The following ANKS1B variants were observed in gnomAD, a reference collection of about 807,000 sequenced individuals.
ANKS1B encodes the protein ankyrin repeat and sterile alpha motif domain containing 1B.
A neutral mutation model predicts 148.3 loss-of-function variants in ANKS1B; 36 were observed. The observed-to-expected ratio is 0.24, with a 90% CI of 0.19 to 0.32. The LOEUF is 0.32. ANKS1B is among the 10% of genes least tolerant of loss of function. ANKS1B has a pLI of 1.00. For synonymous variants in ANKS1B, 542 were observed against 560.8 expected (o/e 0.97, Z 0.47); for missense variants, 1,157 against 1,542.6 (o/e 0.75, Z 4.19).
intron 11 of ANKS1B, among the ~76,000 whole-genome samples, chr12:99,400,544 T>C (rs1314530396): frequency 6.9e-6 from 1 of 145,124 alleles, no homozygotes; most frequent in African/African-American, 2.6e-5. Context: ...TGGGGCTTTT[T>C]CCCCATAGTT....
chr12:99,813,131 C>T (rs2068639385), intron 2 of ANKS1B, among the ~76,000 whole-genome samples: 1 of 151,652 alleles, frequency 6.6e-6, no homozygotes, highest in South Asian at 2.1e-4. Flanking sequence ...GCAATTTCAA[C>T]ACATATTCAA....
chr12:99,666,275 T>C (rs1468054264), intron 8 of ANKS1B, among the ~76,000 whole-genome samples: 1 of 152,244 alleles, frequency 6.6e-6, no homozygotes, highest in East Asian at 1.9e-4. Context: ...GGCTATTCTA[T>C]GTTCTCTGCC....
chr12:99,354,663 G>C (rs182065491), intron 12 of ANKS1B, among the ~76,000 whole-genome samples: 1 of 151,938 alleles, frequency 6.6e-6, no homozygotes, highest in Non-Finnish European at 1.5e-5. Flanking sequence ...TTTGAGTCTC[G>C]TACTACTAGG....
At chr12:99,929,035 G>A (rs1451036703) in intron 1 of ANKS1B, among the ~76,000 whole-genome samples, 1 of 152,136 alleles carries the variant, frequency 6.6e-6, no homozygotes. Context: ...TTTTTCTGTT[G>A]CTTTAATATT....
At chr12:98,942,917 G>A (rs1341758215) in intron 17 of ANKS1B, among the ~76,000 whole-genome samples, 1 of 152,126 alleles carries the variant, frequency 6.6e-6, no homozygotes, top group Non-Finnish European at 1.5e-5. Context: ...CTTTAAATAC[G>A]AAGCTCAGTG....
intron 4 of ANKS1B, among the ~76,000 whole-genome samples, chr12:99,797,406 G>A (rs1447808323): frequency 1.3e-5 from 2 of 151,734 alleles, no homozygotes; most frequent in African/African-American, 4.8e-5. Flanking sequence ...GAAATATTTA[G>A]TCCAAAACAT....
At chr12:98,924,892 A>G (rs1274455379) in intron 17 of ANKS1B, among the ~76,000 whole-genome samples, 1 of 152,258 alleles carries the variant, frequency 6.6e-6, no homozygotes, top group Non-Finnish European at 1.5e-5. Flanking sequence ...ACTAATTTCC[A>G]TAGCTCAATG....
intron 17 of ANKS1B, among the ~76,000 whole-genome samples, chr12:98,985,180 G>A (rs994381766): frequency 1.1e-4 from 17 of 152,000 alleles, no homozygotes; most frequent in East Asian, 3.8e-4. Flanking sequence ...TGGTGACATC[G>A]TGGCTCACTG....
At chr12:99,234,701 G>A (rs1245004368) in intron 14 of ANKS1B, among the ~76,000 whole-genome samples, 1 of 151,348 alleles carries the variant, frequency 6.6e-6, no homozygotes, top group African/African-American at 2.4e-5. Context: ...AACTGAGTAA[G>A]TCACCTAAGA....
In ANKS1B at chr12:99,122,814, T is replaced by C. The variant is rs146924977; in HGVS notation, c.2526+31475A>G. The stretch of plus-strand genomic sequence containing the variant: ...CTCATTAGCTCAATTATTTAAAGCA[T>C]GGTACTAGTAAAGCCAAGGTAGAGG... On this transcript the variant is annotated intron_variant, in intron 15 of 26. Transcript: ENST00000683438. Among the ~76,000 whole-genome samples, 503 of 152,136 alleles carry C rather than the reference T, an allele frequency of 3.3e-3. 6 individuals are homozygous for C. Among genetic ancestry groups the C allele is most frequent in the African/African-American group, 0.011 (467 of 41,506 alleles).
intron 17 of ANKS1B, among the ~76,000 whole-genome samples, chr12:98,833,418 T>C (rs1028605514): frequency 6.6e-6 from 1 of 152,176 alleles, no homozygotes; most frequent in African/African-American, 2.4e-5. Context: ...TAAAAATGTG[T>C]TTACCTCTTC....
chr12:99,839,949 C>T (rs1489346180), intron 1 of ANKS1B, among the ~76,000 whole-genome samples: 1 of 151,886 alleles, frequency 6.6e-6, no homozygotes, highest in Non-Finnish European at 1.5e-5. Flanking sequence ...CAAATTCATT[C>T]ACTCATTCAA....
rs184055027 is a variant in ANKS1B, at chr12:99,046,924, T to C, written c.2778+6233A>G. Among the ~76,000 whole-genome samples, 57 of 152,004 alleles carry C rather than the reference T, an allele frequency of 3.7e-4. No individual in the cohort carries two copies. In the East Asian group the frequency reaches 8.7e-3, roughly 23 times the overall value. ...AGTAACAGTGACAGATTAGCTATTC[T>C]AAGAAGAAAAGATGAGTGAACTTAA... On this transcript the variant is annotated intron_variant, in intron 17 of 26. Transcript: ENST00000683438.
At chr12:99,791,965 AG>A (rs774735030) in intron 4 of ANKS1B, among the ~76,000 whole-genome samples, 58 of 152,000 alleles carry the variant, frequency 3.8e-4, no homozygotes, top group Non-Finnish European at 6.3e-4. Context: ...CAAAACAAGA[AG>A]TTGTTTTGAA....
chr12:99,825,349 C>T lies in ANKS1B; in HGVS notation c.175G>A (p.Gly59Ser). ...GPNVNCTDSS[G>S]YTALHHAALN... ...GCTGCGTGGTGTAAAGCAGTGTAAC[C>T]CGAACTGTCTGTGCAGTTCACATTG... The change falls in exon 2 of 27, where the codon GGT (glycine) becomes AGT (serine). Residue 59 changes from glycine to serine, a missense_variant. By Grantham distance (56) the Gly-to-Ser change is moderately conservative. This residue lies in a region of ANKS1B where 164 missense variants were observed against 232.6 expected (regional missense o/e 0.71). Coordinates refer to ENST00000683438, the MANE Select transcript of ANKS1B (RefSeq NM_001352186.2). 2 of 1,612,680 alleles carry T rather than the reference C, an allele frequency of 1.2e-6. No homozygotes were observed. The highest frequency in any genetic ancestry group is 1.7e-6 in the Non-Finnish European group (2 of 1,179,374).
chr12:99,600,637 T>C (rs2097793032), intron 9 of ANKS1B, among the ~76,000 whole-genome samples: 1 of 151,982 alleles, frequency 6.6e-6, no homozygotes, highest in Non-Finnish European at 1.5e-5. Flanking sequence ...CCTCAGCCAT[T>C]AGCTCCCAAA....
chr12:98,805,649 T>C (rs1228753504), intron 20 of ANKS1B, among the ~76,000 whole-genome samples: 1 of 152,246 alleles, frequency 6.6e-6, no homozygotes, highest in Non-Finnish European at 1.5e-5. Flanking sequence ...AGATTTTTAC[T>C]GGATGGCAGA....
At chr12:99,461,875 G>C (rs1453287807) in intron 10 of ANKS1B, among the ~76,000 whole-genome samples, 2 of 152,168 alleles carry the variant, frequency 1.3e-5, no homozygotes, top group Non-Finnish European at 2.9e-5. Flanking sequence ...TTAATCTCTA[G>C]TAACTCATTC....
At chr12:99,503,513 T>C (rs992387791) in intron 10 of ANKS1B, among the ~76,000 whole-genome samples, 3 of 152,092 alleles carry the variant, frequency 2.0e-5, no homozygotes, top group African/African-American at 4.8e-5. Context: ...TACCAGAAAA[T>C]TCCTCTAAAC....
Sources: allele counts gnomAD v4.1 joint callset (sites outside exome capture counted in the v4.1 genomes callset), GRCh38; gene constraint gnomAD v4.1.1; regional missense constraint gnomAD v4.1.1; transcripts MANE v1.5; gene names NCBI Gene and HGNC (gene_info 2026-07-23, HGNC 2026-07-21).